Variants in MYH9 observed in about 807,000 individuals in gnomAD.
MYH9 encodes the protein myosin-9.
In MYH9, 29 loss-of-function variants were observed where a neutral mutation model predicts 241.9. The observed-to-expected ratio is 0.12, with a 90% CI of 0.09 to 0.16. The LOEUF (loss-of-function observed/expected upper bound fraction) is 0.16, where lower values mean the gene tolerates loss of function less well. Ranked by LOEUF, MYH9 falls within the 10% of genes least tolerant of loss-of-function variation. The pLI, the probability that MYH9 is intolerant of heterozygous loss-of-function variation, is 1.00. For missense variants in MYH9, 1,803 were observed against 2,595.5 expected (o/e 0.69, Z 6.63); for synonymous variants, 1,047 against 1,062.6 (o/e 0.99, Z 0.29).
Position 36,320,165 on chromosome 22 carries a change from T to C in MYH9, c.1012+55A>G. 5 of 1,609,500 alleles carry C rather than the reference T, an allele frequency of 3.1e-6. No individual in the cohort carries two copies. The highest frequency in any genetic ancestry group is 2.5e-6 in the Non-Finnish European group (3 of 1,177,484). ...CGGCTACCCTGATGCCCCGAGGCCGTGGGTACCAGCCTTCCTCTGCCCCAC... is the reference window on the plus strand; with the variant it reads ...CGGCTACCCTGATGCCCCGAGGCCGCGGGTACCAGCCTTCCTCTGCCCCAC... On this transcript the variant is annotated intron_variant, in intron 9 of 40. Coordinates refer to ENST00000216181, the MANE Select transcript of MYH9 (RefSeq NM_002473.6). The surrounding 1 kb of genome is among the most constrained non-coding windows in gnomAD (Gnocchi z 4.8).
At chr22:36,319,440 A>G (rs757744244) in intron 10 of MYH9, 100 bp downstream of exon 10, 45 of 1,108,664 alleles carry the variant, frequency 4.1e-5, no homozygotes, top group Non-Finnish European at 5.6e-5. Flanking sequence ...CTAACATTAA[A>G]AAGAATAGTG....
chr22:36,290,722 C>A (rs1192863470), intron 31 of MYH9, among the ~76,000 whole-genome samples: 1 of 151,706 alleles, frequency 6.6e-6, no homozygotes, highest in African/African-American at 2.4e-5. Context: ...TCCCGGCCGC[C>A]ATCACATCTA....
Position 36,284,082 on chromosome 22 carries a change from G to A in MYH9, c.5765+11C>T. 1 of 1,613,844 alleles carries A rather than the reference G, an allele frequency of 6.2e-7. No homozygotes were observed. The highest frequency in any genetic ancestry group is 1.1e-5 in the South Asian group (1 of 91,076). On this transcript the variant is annotated intron_variant, in intron 40 of 40. Coordinates refer to ENST00000216181, the MANE Select transcript of MYH9 (RefSeq NM_002473.6). The stretch of plus-strand genomic sequence containing the variant: ...GCCGAGGCAAAGGGGCGGGTGGGCA[G>A]GGCGGCTCACCTGAGCTTGTTCTTT...
intron 1 of MYH9, among the ~76,000 whole-genome samples, chr22:36,350,318 A>G (rs2146394137): frequency 6.6e-6 from 1 of 152,364 alleles, no homozygotes; most frequent in East Asian, 1.9e-4. Context: ...CAGGCAGATC[A>G]CCTGAGGTTG....
intron 1 of MYH9, among the ~76,000 whole-genome samples, chr22:36,379,245 C>T (rs575323454): frequency 1.3e-5 from 2 of 152,288 alleles, no homozygotes; most frequent in East Asian, 1.9e-4. Context: ...TGGTGGCTCA[C>T]GCCTGTAATC....
intron 13 of MYH9, among the ~76,000 whole-genome samples, chr22:36,313,781 T>A (rs2017105854): frequency 6.6e-6 from 1 of 152,128 alleles, no homozygotes; most frequent in Non-Finnish European, 1.5e-5. Context: ...CCTTACTACA[T>A]CCATGCATGG....
intron 14 of MYH9, 65 bp from the exon 15 acceptor site, chr22:36,309,461 CG>C: frequency 8.1e-7 from 1 of 1,227,414 alleles, no homozygotes; most frequent in Non-Finnish European, 1.2e-6. Flanking sequence ...ACAGGGTCTC[CG>C]GAGCACAGGC....
chr22:36,340,919 C>G (rs991593975), intron 3 of MYH9, among the ~76,000 whole-genome samples: 4 of 152,040 alleles, frequency 2.6e-5, no homozygotes, highest in Non-Finnish European at 5.9e-5. Flanking sequence ...GGCACAGAAG[C>G]CAGAGTGACA....
At position 36,304,197 on chromosome 22, in the gene MYH9, C is replaced by A. The variant is rs749450357; in HGVS notation, c.2230-42G>T. The A allele has an allele frequency of 3.1e-6, 5 of 1,609,720 alleles. No homozygotes were observed. In the Admixed American group the frequency reaches 8.3e-5, roughly 27 times the overall value. On this transcript the variant is annotated intron_variant, in intron 18 of 40. Transcript: ENST00000216181. ...GGCCGTTTACCTGGCCAGCAACTGG[C>A]CACAGCTCCATGAAAGGGTGGCCCA...
intron 1 of MYH9, among the ~76,000 whole-genome samples, chr22:36,381,838 T>A (rs931366778): frequency 6.6e-6 from 1 of 152,214 alleles, no homozygotes; most frequent in African/African-American, 2.4e-5. Context: ...GCACAACTTG[T>A]TTCCTGTCAT....
intron 1 of MYH9, among the ~76,000 whole-genome samples, chr22:36,384,873 G>A (rs1333112235): frequency 2.0e-5 from 3 of 151,636 alleles, no homozygotes; most frequent in Admixed American, 6.6e-5. Context: ...ACTCTTCCCA[G>A]CTCTAAGAGT....
At chr22:36,284,771 G>T (rs1485935349) in intron 38 of MYH9, among the ~76,000 whole-genome samples, 2 of 152,156 alleles carry the variant, frequency 1.3e-5, no homozygotes, top group African/African-American at 2.4e-5. Context: ...AAGAGGTCTG[G>T]GGGCCTACTG....
chr22:36,296,947 G>A lies in MYH9; in HGVS notation c.3168C>T (p.Asp1056=). 2 of 1,614,142 alleles carry A rather than the reference G, an allele frequency of 1.2e-6. No individual in the cohort carries two copies. The highest frequency in any genetic ancestry group is 1.3e-5 in the African/African-American group (1 of 75,062). The change falls in exon 25 of 41, where the codon GAC becomes GAT. Residue 1056 remains aspartate, a synonymous_variant. Transcript: ENST00000216181. ...LEKTRRKLEG[D]STDLSDQIAE... is the part of the protein sequence containing the mutation. ...CGATCTGGTCGCTGAGGTCTGTGGA[G>A]TCTCCCTCCAGCTTCCGGCGGGTCT... is the stretch of plus-strand genomic sequence containing the variant.
intron 14 of MYH9, among the ~76,000 whole-genome samples, chr22:36,310,299 TCTCA>T (rs1346144958): frequency 1.4e-5 from 2 of 147,938 alleles, no homozygotes; most frequent in Admixed American, 6.7e-5. Context: ...AGAGATAGGG[TCTCA>T]CTATGTTGCC....
intron 1 of MYH9, among the ~76,000 whole-genome samples, 186 bp from the exon 2 acceptor site, chr22:36,349,441 C>A (rs192142610): frequency 4.6e-5 from 7 of 152,272 alleles, no homozygotes; most frequent in Admixed American, 2.0e-4. Context: ...ACTGAAAAAA[C>A]AAGTTGGGCC....
At position 36,293,436 on chromosome 22, in the gene MYH9, T is replaced by C. The variant is rs2016737926; in HGVS notation, c.3988A>G (p.Lys1330Glu). ...TTCTCGTCCTCCACCTGCTTGAGCTTGGTGCTCAGGCTCAGCTTCTGCCGG... is the reference window on the plus strand; with the variant it reads ...TTCTCGTCCTCCACCTGCTTGAGCTCGGTGCTCAGGCTCAGCTTCTGCCGG... The part of the protein sequence containing the change: ...ENRQKLSLST[K>E]LKQVEDEKNS... The change falls in exon 30 of 41, where the codon AAG becomes GAG. Residue 1330 changes from lysine to glutamate, a missense_variant. By Grantham distance (56) the Lys-to-Glu change is moderately conservative. This residue lies in a region of MYH9 where 876 missense variants were observed against 1,077.8 expected (regional missense o/e 0.81). Coordinates refer to ENST00000216181, the MANE Select transcript of MYH9 (RefSeq NM_002473.6). The surrounding 1 kb of genome is among the most constrained non-coding windows in gnomAD (Gnocchi z 5.1). 6.2e-7 allele frequency: 1 copy of C among 1,613,740 alleles called. No homozygotes were observed. Among genetic ancestry groups the C allele is most frequent in the South Asian group, 1.1e-5 (1 of 91,080 alleles).
rs34880972 is a variant in MYH9 at position 36,356,580 on chromosome 22, CAAAAAAAAAAAAAAA to C, written c.-19-7340_-19-7326del. 3.0e-3 allele frequency among the ~76,000 whole-genome samples: 73 copies of C among 24,664 alleles called. No homozygotes were observed. The East Asian group carries it at 0.05, about 17-fold the overall frequency. 16.2% of individuals were successfully genotyped at this position (24,664 alleles called of 152,430 possible). The stretch of plus-strand genomic sequence containing the variant: ...TGGGCAACAGAGTGAGACTCCATCT[CAAAAAAAAAAAAAAA>C]AAAAAAAAAAAAGATTCTTTGAAAG... On this transcript the variant is annotated intron_variant, in intron 1 of 40. Coordinates refer to ENST00000216181, the MANE Select transcript of MYH9 (RefSeq NM_002473.6).
rs1569534556 is a variant in MYH9 at position 36,282,578 on chromosome 22, A to G, written c.*90T>C. On this transcript the variant is annotated 3_prime_UTR_variant, in exon 41 of 41. Transcript: ENST00000216181. ...AGGAGGCATGTTCACAGCAGTCCCA[A>G]GAAGGTGGGGAGAGGCGTGCTGCGG... is the stretch of plus-strand genomic sequence containing the variant. 2 of 1,200,126 alleles carry G rather than the reference A, an allele frequency of 1.7e-6. No homozygotes were observed. Among genetic ancestry groups the G allele is most frequent in the Non-Finnish European group, 2.5e-6 (2 of 810,494 alleles). 74.3% of individuals were successfully genotyped at this position (1,200,126 alleles called of 1,614,324 possible).
chr22:36,341,286 A>C, intron 3 of MYH9, 84 bp downstream of exon 3: 1 of 1,562,078 alleles, frequency 6.4e-7, no homozygotes, highest in Non-Finnish European at 8.8e-7. Context: ...ATGTGGCACC[A>C]AATGTGACTT....
Sources: gnomAD v4.1 joint callset for allele counts (sites outside exome capture counted in the v4.1 genomes callset) on GRCh38, gnomAD v4.1.1 for gene constraint, gnomAD v4.1.1 regional missense constraint, Gnocchi (gnomAD v3.1) non-coding constraint, MANE v1.5 for transcripts, NCBI Gene and HGNC (gene_info 2026-07-23, HGNC 2026-07-21) for gene names.